Variants in COL24A1 observed in about 807,000 individuals in gnomAD.
COL24A1 encodes the protein collagen type XXIV alpha 1 chain.
COL24A1 carries 224 observed loss-of-function variants against 253.9 expected under a neutral mutation model. The ratio of observed to expected loss-of-function variants is 0.88; its 90% CI spans 0.79 to 0.99. The LOEUF is 0.99. Ranked by LOEUF, COL24A1 falls within the 50% of genes least tolerant of loss-of-function variation. COL24A1 has a pLI of 0.00. For missense variants in COL24A1, 2,131 were observed against 2,068.5 expected, an observed-to-expected ratio of 1.03 and a Z score of -0.59; for synonymous variants, 685 against 673.7, an observed-to-expected ratio of 1.02 and a Z score of -0.26.
chr1:85,846,771 CATT>C (rs1193529014), intron 39 of COL24A1, among the ~76,000 whole-genome samples: 1 of 151,930 alleles, frequency 6.6e-6, no homozygotes, highest in Non-Finnish European at 1.5e-5. Flanking sequence ...AAATTAATAA[CATT>C]ATAAAATGTT....
intron 24 of COL24A1, among the ~76,000 whole-genome samples, chr1:85,927,054 G>C (rs1453201381): frequency 6.6e-6 from 1 of 152,116 alleles, no homozygotes; most frequent in Admixed American, 6.6e-5. Flanking sequence ...AAAGGGTTAA[G>C]AATGTGTGTA....
intron 37 of COL24A1, among the ~76,000 whole-genome samples, chr1:85,859,222 G>C (rs1034448207): frequency 6.6e-6 from 1 of 152,110 alleles, no homozygotes; most frequent in Non-Finnish European, 1.5e-5. Flanking sequence ...ATGAATAAAT[G>C]AATGACAGAA....
intron 35 of COL24A1, among the ~76,000 whole-genome samples, chr1:85,871,669 A>T (rs1680510392): frequency 6.6e-6 from 1 of 152,190 alleles, no homozygotes; most frequent in Admixed American, 6.5e-5. Context: ...AAAACTCTCC[A>T]TTAATTAGGT....
chr1:85,856,520 A>C (rs1470680139), intron 37 of COL24A1, among the ~76,000 whole-genome samples: 1 of 152,110 alleles, frequency 6.6e-6, no homozygotes, highest in Non-Finnish European at 1.5e-5. Flanking sequence ...TTTGTATTCT[A>C]ATGATTCCCT....
intron 24 of COL24A1, among the ~76,000 whole-genome samples, chr1:85,925,982 A>G (rs947202200): frequency 2.6e-5 from 4 of 152,236 alleles, no homozygotes; most frequent in Non-Finnish European, 5.9e-5. Flanking sequence ...TACAAGAAAA[A>G]AACAAACAAC....
At chr1:85,785,284 G>A (rs1456944280) in intron 48 of COL24A1, among the ~76,000 whole-genome samples, 1 of 152,016 alleles carries the variant, frequency 6.6e-6, no homozygotes, top group Non-Finnish European at 1.5e-5. Flanking sequence ...ATTTCTAAAA[G>A]TCAAGTCTTT....
Position 85,902,022 on chromosome 1 carries a change from T to C in COL24A1, c.2778+5172A>G, listed in dbSNP as rs528658262. Among the ~76,000 whole-genome samples, 12 of 152,184 alleles carry C rather than the reference T, an allele frequency of 7.9e-5. No homozygotes were observed. The South Asian group carries it at 2.5e-3, about 32-fold the overall frequency. On this transcript the variant is annotated intron_variant, in intron 28 of 59. Coordinates refer to ENST00000370571, the MANE Select transcript of COL24A1 (RefSeq NM_152890.7). ...ACAAATGGATAAATAAAGTGTGGTA[T>C]ATGTACACAATGGAATAATTTGTAG...
intron 2 of COL24A1, among the ~76,000 whole-genome samples, chr1:86,135,687 T>C (rs1214546807): frequency 6.6e-6 from 1 of 152,068 alleles, no homozygotes; most frequent in Admixed American, 6.6e-5. Flanking sequence ...CATATCCTTT[T>C]AATATATTGC....
intron 52 of COL24A1, 82 bp downstream of exon 52, chr1:85,781,138 A>G: frequency 1.0e-6 from 1 of 1,004,708 alleles, no homozygotes; most frequent in Admixed American, 2.5e-5. Flanking sequence ...TCAAATACCC[A>G]GGCTAATTCT....
rs1437881961 is a variant in COL24A1, at chr1:85,932,421, A to G, written c.2563-20988T>C. Among the ~76,000 whole-genome samples the G allele has an allele frequency of 5.3e-4, 51 of 95,566 alleles. No individual in the cohort carries two copies. The South Asian group carries it at 0.019, about 36-fold the overall frequency. 62.7% of individuals were successfully genotyped at this position (95,566 alleles called of 152,430 possible). A position where few individuals can be genotyped will look rare whatever the true frequency, so the allele number is the denominator to read the frequency against. ...CACACCAGTTAGAATGGCAATCATT[A>G]AAAAGTCAGGAAACAACAGGTGCTG... On this transcript the variant is annotated intron_variant, in intron 24 of 59. Coordinates refer to ENST00000370571, the MANE Select transcript of COL24A1 (RefSeq NM_152890.7).
Position 86,033,928 on chromosome 1 carries a change from C to A in COL24A1, c.1951-5G>T, listed in dbSNP as rs778981691. ...TCCAAAGTCACCTGGAAAACCCTGTCACAGGGAAAGAGGAAGAATGCCAAC... is the reference window on the plus strand; with the variant it reads ...TCCAAAGTCACCTGGAAAACCCTGTAACAGGGAAAGAGGAAGAATGCCAAC... On this transcript the variant is annotated splice_polypyrimidine_tract_variant and splice_region_variant and intron_variant, in intron 12 of 59. Coordinates refer to ENST00000370571, the MANE Select transcript of COL24A1 (RefSeq NM_152890.7). 79 of 1,590,918 alleles carry A rather than the reference C, an allele frequency of 5.0e-5. 1 individual carries two copies. The highest frequency in any genetic ancestry group is 9.0e-5 in the Admixed American group (5 of 55,406).
rs138288150 is a variant in COL24A1 at position 85,787,524 on chromosome 1, C to A, written c.3952-1063G>T. On this transcript the variant is annotated intron_variant, in intron 47 of 59. Transcript: ENST00000370571. Reference sequence around the variant, plus strand: ...AATGGCTTCCAGCTCCATCTATATCCCTGCAAAGGACATGATCTCATTCCT... The same window carrying A: ...AATGGCTTCCAGCTCCATCTATATCACTGCAAAGGACATGATCTCATTCCT... Among the ~76,000 whole-genome samples, 341 of 152,216 alleles carry A rather than the reference C, an allele frequency of 2.2e-3. 3 individuals carry two copies. The highest frequency in any genetic ancestry group is 7.9e-3 in the African/African-American group (328 of 41,520).
intron 43 of COL24A1, among the ~76,000 whole-genome samples, chr1:85,827,545 C>A (rs910745201): frequency 1.6e-4 from 25 of 151,934 alleles, no homozygotes; most frequent in African/African-American, 6.0e-4. Flanking sequence ...GGCTGTGAAT[C>A]CATCTGGTCC....
chr1:85,816,888 T>G lies in COL24A1; in HGVS notation c.3851A>C (p.Gln1284Pro). ...TATGCCTTTTGGCCCAAGTAGGCCT[T>G]GAAGTCCCTTGATAATTAAAAATTA... ...PSGKPGIPGL[Q>P]GLLGPKGIQG... Residue 1284 changes from glutamine (Q) to proline (P), a missense_variant, in exon 47 of 60, where the codon CAA becomes CCA. Transcript: ENST00000370571. 1 of 1,610,364 alleles carries G rather than the reference T, an allele frequency of 6.2e-7. No homozygotes were observed. Among genetic ancestry groups the G allele is most frequent in the East Asian group, 2.2e-5 (1 of 44,848 alleles).
intron 4 of COL24A1, among the ~76,000 whole-genome samples, chr1:86,114,777 T>C (rs114598143): frequency 0.024 from 3,624 of 152,316 alleles, 52 homozygotes; most frequent in Middle Eastern, 0.048. Context: ...TGAACAAAGA[T>C]GTTTTGTAGT....
intron 47 of COL24A1, among the ~76,000 whole-genome samples, chr1:85,813,475 G>A (rs1271287273): frequency 6.9e-6 from 1 of 144,934 alleles, no homozygotes; most frequent in South Asian, 2.2e-4. Context: ...GCCTCCTTTG[G>A]CATCCAGGAC....
chr1:86,000,415 C>T (rs1695284509), intron 19 of COL24A1, among the ~76,000 whole-genome samples: 1 of 152,138 alleles, frequency 6.6e-6, no homozygotes, highest in African/African-American at 2.4e-5. Context: ...AAACCTAATA[C>T]TTTTTTTATT....
chr1:85,916,304 T>C (rs1056772249), intron 24 of COL24A1, among the ~76,000 whole-genome samples: 2 of 152,300 alleles, frequency 1.3e-5, no homozygotes, highest in South Asian at 4.1e-4. Flanking sequence ...ATAGGGCATC[T>C]GAGTTTTTTA....
At chr1:85,889,769 C>T (rs886255219) in intron 31 of COL24A1, among the ~76,000 whole-genome samples, 156 bp from the exon 32 acceptor site, 2 of 151,118 alleles carry the variant, frequency 1.3e-5, no homozygotes, top group African/African-American at 2.4e-5. Flanking sequence ...ATACACACAA[C>T]ATAAAATTTA....
Sources: gnomAD v4.1 joint callset for allele counts (sites outside exome capture counted in the v4.1 genomes callset) on GRCh38, gnomAD v4.1.1 for gene constraint, MANE v1.5 for transcripts, NCBI Gene and HGNC (gene_info 2026-07-23, HGNC 2026-07-21) for gene names.